The following VAV3 variants were observed in gnomAD, a reference collection of about 807,000 sequenced individuals.
VAV3 encodes the protein vav guanine nucleotide exchange factor 3, also known as guanine nucleotide exchange factor VAV3.
In VAV3, 94 loss-of-function variants were observed where a neutral mutation model predicts 131.2. The observed-to-expected ratio is 0.72, with a 90% CI of 0.61 to 0.85. The LOEUF (loss-of-function observed/expected upper bound fraction) is 0.85, where lower values mean the gene tolerates loss of function less well. Among genes scored for constraint, VAV3 ranks in the 40% least tolerant of loss-of-function variants. The pLI is 0.00. For synonymous variants in VAV3, 349 were observed against 342.0 expected, an observed-to-expected ratio of 1.02 and a Z score of -0.22; for missense variants, 939 against 1,002.7, an observed-to-expected ratio of 0.94 and a Z score of 0.86.
chr1:107,586,245 C>T (rs750724901), intron 25 of VAV3, among the ~76,000 whole-genome samples: 1 of 151,826 alleles, frequency 6.6e-6, no homozygotes, highest in East Asian at 1.9e-4. Context: ...AGTGGCATCT[C>T]CATTAGAGTA....
At position 107,765,133 on chromosome 1, in the gene VAV3, G is replaced by A. The variant is rs759836331; in HGVS notation, c.864C>T (p.Ala288=). The A allele has an allele frequency of 6.2e-7, 1 of 1,613,466 alleles. No homozygotes were observed. ...TAGAAATGTAGTCTAAACTAGAGAT[G>A]GCTGACTCCACTCCACTGCAGTACT... ...YGQYCSGVES[A]ISSLDYISKT... Residue 288 remains alanine, a synonymous_variant, in exon 9 of 27, where the codon GCC becomes GCT. Transcript: ENST00000370056.
intron 2 of VAV3, among the ~76,000 whole-genome samples, chr1:107,788,595 C>G (rs963079694): frequency 6.6e-6 from 1 of 152,174 alleles, no homozygotes; most frequent in South Asian, 2.1e-4. Context: ...AGAAACTTTC[C>G]TCATACACTG....
intron 1 of VAV3, among the ~76,000 whole-genome samples, chr1:107,941,243 T>C (rs1272744344): frequency 6.6e-6 from 1 of 152,206 alleles, no homozygotes; most frequent in Non-Finnish European, 1.5e-5. Flanking sequence ...TTCTACTTCT[T>C]CTGAGTCCCA....
chr1:107,853,960 T>C (rs939011963), intron 2 of VAV3, among the ~76,000 whole-genome samples: 4 of 152,188 alleles, frequency 2.6e-5, no homozygotes, highest in African/African-American at 9.7e-5. Context: ...GTAGGGTAAC[T>C]GTATTTTTTT....
chr1:107,821,283 C>T (rs1012637628), intron 2 of VAV3, among the ~76,000 whole-genome samples: 3 of 152,082 alleles, frequency 2.0e-5, no homozygotes, highest in Non-Finnish European at 2.9e-5. Context: ...CTATGATAGA[C>T]ATTAAAATAC....
Position 107,603,176 on chromosome 1 carries a change from A to G in VAV3, c.2016-13T>C. The G allele has an allele frequency of 1.9e-6, 3 of 1,604,250 alleles. No homozygotes were observed. Among genetic ancestry groups the G allele is most frequent in the Non-Finnish European group, 2.6e-6 (3 of 1,172,276 alleles). On this transcript the variant is annotated splice_polypyrimidine_tract_variant and intron_variant, in intron 22 of 26. Coordinates refer to ENST00000370056, the MANE Select transcript of VAV3 (RefSeq NM_006113.5). ...TGCTCCAGCATACCTGTAAAAAACA[A>G]TGACACAGAAAATTTGGATAATATA...
At chr1:107,581,024 C>T (rs944027839) in intron 25 of VAV3, among the ~76,000 whole-genome samples, 3 of 152,160 alleles carry the variant, frequency 2.0e-5, no homozygotes, top group African/African-American at 7.2e-5. Flanking sequence ...AGGTGGTTAT[C>T]ATCTCCCGGA....
intron 15 of VAV3, among the ~76,000 whole-genome samples, chr1:107,707,233 C>G (rs996896843): frequency 1.3e-5 from 2 of 152,178 alleles, no homozygotes; most frequent in Non-Finnish European, 2.9e-5. Flanking sequence ...CACTAAAGAA[C>G]AGATGTTAAC....
At chr1:107,591,318 C>A (rs1409554654) in intron 25 of VAV3, among the ~76,000 whole-genome samples, 1 of 152,100 alleles carries the variant, frequency 6.6e-6, no homozygotes, top group Admixed American at 6.5e-5. Context: ...TGTTCTTGTT[C>A]ACCAGATTGT....
chr1:107,700,017 A>G (rs1291596089), intron 17 of VAV3, among the ~76,000 whole-genome samples: 1 of 152,220 alleles, frequency 6.6e-6, no homozygotes, highest in Non-Finnish European at 1.5e-5. Flanking sequence ...CAGTTCTTTG[A>G]AAATCTGCTG....
At chr1:107,929,429 T>C (rs2101195896) in intron 1 of VAV3, among the ~76,000 whole-genome samples, 1 of 151,400 alleles carries the variant, frequency 6.6e-6, no homozygotes, top group African/African-American at 2.4e-5. Context: ...CTACAAGAAA[T>C]GTTAAAAGCT....
intron 17 of VAV3, 115 bp from the exon 18 acceptor site, chr1:107,688,521 C>G: frequency 6.4e-7 from 1 of 1,560,254 alleles, no homozygotes; most frequent in Non-Finnish European, 8.7e-7. Flanking sequence ...TTAACTGATA[C>G]CTGTAATATA....
intron 1 of VAV3, among the ~76,000 whole-genome samples, chr1:107,933,192 G>T (rs1673531223): frequency 6.6e-6 from 1 of 151,732 alleles, no homozygotes; most frequent in South Asian, 2.1e-4. Context: ...TCAGTTTTGT[G>T]GTTATTTTAT....
intron 1 of VAV3, among the ~76,000 whole-genome samples, chr1:107,935,593 T>C (rs779065155): frequency 6.6e-6 from 1 of 152,208 alleles, no homozygotes; most frequent in Non-Finnish European, 1.5e-5. Context: ...TTCACTCACT[T>C]ACTCATTGCA....
chr1:107,683,052 T>A (rs1299456611), intron 19 of VAV3, among the ~76,000 whole-genome samples: 1 of 152,156 alleles, frequency 6.6e-6, no homozygotes, highest in African/African-American at 2.4e-5. Flanking sequence ...TATTATAAAA[T>A]AGCATGGATA....
intron 2 of VAV3, among the ~76,000 whole-genome samples, chr1:107,862,519 G>T (rs1437773504): frequency 2.0e-5 from 3 of 151,550 alleles, no homozygotes; most frequent in Admixed American, 6.6e-5. Context: ...CAAGAGTTCT[G>T]CCTCACTGTT....
chr1:107,898,296 A>C (rs967593288), intron 1 of VAV3, among the ~76,000 whole-genome samples: 4 of 152,212 alleles, frequency 2.6e-5, no homozygotes, highest in African/African-American at 9.6e-5. Context: ...TCTCTTCATA[A>C]GTAGAAATTA....
In VAV3 at chr1:107,659,769, G is replaced by A. The variant is rs373219938; in HGVS notation, c.1778-17014C>T. 9.1e-4 allele frequency among the ~76,000 whole-genome samples: 139 copies of A among 152,162 alleles called. 4 individuals are homozygous for A. The South Asian group carries it at 0.028, about 30-fold the overall frequency. ...TTACCCGCACTTGGTTTTTGTTGAA[G>A]GCTTCTTTTTATACATGAGTTAAAA... On this transcript the variant is annotated intron_variant, in intron 19 of 26. Transcript: ENST00000370056.
At chr1:107,878,021 T>C (rs1194847067) in intron 1 of VAV3, among the ~76,000 whole-genome samples, 3 of 151,942 alleles carry the variant, frequency 2.0e-5, no homozygotes, top group Non-Finnish European at 2.9e-5. Context: ...AAACTGATTT[T>C]TTTTCCAGTT....
Sources: gnomAD v4.1 joint callset for allele counts (sites outside exome capture counted in the v4.1 genomes callset) on GRCh38, gnomAD v4.1.1 for gene constraint, MANE v1.5 for transcripts, NCBI Gene and HGNC (gene_info 2026-07-23, HGNC 2026-07-21) for gene names.